The following ECHDC1 variants were observed in gnomAD, a reference collection of about 807,000 sequenced individuals.
ECHDC1 encodes the protein ethylmalonyl-CoA decarboxylase.
Under a neutral mutation model 29.7 loss-of-function variants are expected in ECHDC1, and 29 were observed. The ratio of observed to expected loss-of-function variants is 0.98; its 90% CI spans 0.73 to 1.33. The LOEUF (loss-of-function observed/expected upper bound fraction) is 1.33, where lower values mean the gene tolerates loss of function less well. Among genes scored for constraint, ECHDC1 ranks in the 40% most tolerant of loss-of-function variants. ECHDC1 has a pLI of 0.00. For synonymous variants in ECHDC1, 126 were observed against 123.1 expected, an observed-to-expected ratio of 1.02 and a Z score of -0.15; for missense variants, 328 against 350.0, an observed-to-expected ratio of 0.94 and a Z score of 0.50.
chr6:127,319,296 A>G (rs923752438), intron 3 of ECHDC1, among the ~76,000 whole-genome samples: 6 of 152,210 alleles, frequency 3.9e-5, no homozygotes, highest in Non-Finnish European at 8.8e-5. Flanking sequence ...ACAGTCTCTT[A>G]TCTGCAAATT....
intron 5 of ECHDC1, among the ~76,000 whole-genome samples, chr6:127,298,916 C>A (rs1040688930): frequency 1.3e-5 from 2 of 151,772 alleles, no homozygotes; most frequent in East Asian, 3.9e-4. Flanking sequence ...CACTCTGTCC[C>A]GCAGGCTGGA....
chr6:127,316,104 C>T (rs1232569664), intron 4 of ECHDC1: 2 of 473,362 alleles, frequency 4.2e-6, no homozygotes, highest in Admixed American at 2.3e-5. Flanking sequence ...ATTAGGTAAA[C>T]TTTATGTGTC....
intron 3 of ECHDC1, among the ~76,000 whole-genome samples, chr6:127,325,252 A>C (rs1783216715): frequency 1.3e-5 from 2 of 152,208 alleles, no homozygotes; most frequent in Non-Finnish European, 2.9e-5. Flanking sequence ...CACTCTTCAA[A>C]ACTGCCAAGG....
chr6:127,300,854 A>C (rs979809574), intron 5 of ECHDC1, among the ~76,000 whole-genome samples: 2 of 152,190 alleles, frequency 1.3e-5, no homozygotes, highest in African/African-American at 2.4e-5. Context: ...TGAGATAATA[A>C]CGTGTTGTTT....
intron 1 of ECHDC1, among the ~76,000 whole-genome samples, chr6:127,337,578 T>G (rs1369749256): frequency 7.2e-5 from 11 of 152,226 alleles, no homozygotes; most frequent in African/African-American, 2.7e-4. Flanking sequence ...TCCTAAAATA[T>G]GTAAAACCAA....
chr6:127,301,130 T>C (rs933965335), intron 5 of ECHDC1, among the ~76,000 whole-genome samples: 2 of 152,240 alleles, frequency 1.3e-5, no homozygotes, highest in African/African-American at 4.8e-5. Flanking sequence ...AAAAATGTTT[T>C]TTAAAAGCCA....
chr6:127,342,272 A>G, intron 1 of ECHDC1: 6 of 1,405,430 alleles, frequency 4.3e-6, no homozygotes, highest in Non-Finnish European at 5.7e-6. Flanking sequence ...CCTAAAGATA[A>G]TATTCTTAAG....
chr6:127,293,301 T>C (rs113562373), intron 5 of ECHDC1, among the ~76,000 whole-genome samples: 2,512 of 152,272 alleles, frequency 0.016, 49 homozygotes, highest in Non-Finnish European at 0.023. Context: ...TTTGTAATGT[T>C]GATTATTAAA....
intron 3 of ECHDC1, among the ~76,000 whole-genome samples, chr6:127,321,506 ATAAACTATTTC>A (rs1348845934): frequency 1.3e-5 from 2 of 152,240 alleles, no homozygotes; most frequent in Admixed American, 1.3e-4. Context: ...GGAACTTTAC[ATAAACTATTTC>A]TAGTTCTTGT....
intron 1 of ECHDC1, among the ~76,000 whole-genome samples, chr6:127,337,336 G>A (rs1403283241): frequency 6.6e-6 from 1 of 152,060 alleles, no homozygotes; most frequent in Non-Finnish European, 1.5e-5. Context: ...TGCTCTCTCT[G>A]AAGTCTGCTG....
At chr6:127,310,243 T>C (rs1781795532) in intron 5 of ECHDC1, among the ~76,000 whole-genome samples, 2 of 152,254 alleles carry the variant, frequency 1.3e-5, no homozygotes, top group South Asian at 2.1e-4. Context: ...AAGAGTATAA[T>C]TGGATTTTTT....
intron 5 of ECHDC1, among the ~76,000 whole-genome samples, chr6:127,307,815 T>C (rs1781574244): frequency 6.7e-6 from 1 of 149,784 alleles, no homozygotes; most frequent in Non-Finnish European, 1.5e-5. Flanking sequence ...AAGGAGACAT[T>C]ATAACTGATA....
chr6:127,297,967 A>G (rs545981674), intron 5 of ECHDC1, among the ~76,000 whole-genome samples: 3 of 152,328 alleles, frequency 2.0e-5, no homozygotes, highest in South Asian at 2.1e-4. Context: ...AGCTCGGATA[A>G]CACCTCAGAC....
chr6:127,290,339 C>T (rs1367892566), intron 5 of ECHDC1, 62 bp from the exon 6 acceptor site: 3 of 1,498,132 alleles, frequency 2.0e-6, no homozygotes, highest in African/African-American at 2.8e-5. Flanking sequence ...TCATAAAGTA[C>T]TATCCATTCA....
rs140882025 is a variant in ECHDC1 at position 127,298,226 on chromosome 6, T to C, written c.498-7949A>G. ...CGCCTTTCCTGCAAGTTTGTAATTA[T>C]TTCAAAATTAAAAATTAAAAAATAC... is the stretch of plus-strand genomic sequence containing the variant. On this transcript the variant is annotated intron_variant, in intron 5 of 5. Transcript: ENST00000454859. Among the ~76,000 whole-genome samples the C allele has an allele frequency of 3.3e-3, 496 of 152,308 alleles. 2 individuals carry two copies. Among genetic ancestry groups the C allele is most frequent in the African/African-American group, 0.011 (468 of 41,568 alleles).
intron 5 of ECHDC1, among the ~76,000 whole-genome samples, chr6:127,298,880 T>TA (rs199688895): frequency 1.0e-3 from 142 of 142,552 alleles, no homozygotes; most frequent in African/African-American, 3.6e-3. Context: ...CTGTACTATA[T>TA]TTTTTTTTTT....
intron 5 of ECHDC1, among the ~76,000 whole-genome samples, chr6:127,308,256 C>T (rs573315151): frequency 2.6e-5 from 4 of 152,186 alleles, no homozygotes; most frequent in African/African-American, 9.6e-5. Context: ...CAACAAAATA[C>T]TAGCAAACTG....
At chr6:127,294,760 T>G (rs1045671712) in intron 5 of ECHDC1, 125 of 151,574 alleles carry the variant, frequency 8.2e-4, no homozygotes, top group African/African-American at 3.0e-3. Flanking sequence ...AGTAATGTGA[T>G]AACTACAAAA....
At chr6:127,339,071 T>C (rs1162883639) in intron 1 of ECHDC1, among the ~76,000 whole-genome samples, 1 of 152,060 alleles carries the variant, frequency 6.6e-6, no homozygotes, top group Non-Finnish European at 1.5e-5. Context: ...GTTCAGGAAT[T>C]CCTTCCAATC....
Sources: allele counts gnomAD v4.1 joint callset (sites outside exome capture counted in the v4.1 genomes callset), GRCh38; gene constraint gnomAD v4.1.1; transcripts MANE v1.5; gene names NCBI Gene and HGNC (gene_info 2026-07-23, HGNC 2026-07-21).